FAM13A: variants seen among roughly 807,000 people sequenced by gnomAD.
The protein encoded by FAM13A is family with sequence similarity 13 member A, also known as protein FAM13A.
Under a neutral mutation model 129.6 loss-of-function variants are expected in FAM13A, and 76 were observed. That is an observed-to-expected ratio of 0.59 (90% CI 0.49 to 0.71). The LOEUF is 0.71. Among genes scored for constraint, FAM13A ranks in the 30% least tolerant of loss-of-function variants. The pLI, the probability that FAM13A is intolerant of heterozygous loss-of-function variation, is 0.00. For missense variants in FAM13A, 1,108 were observed against 1,249.3 expected, an observed-to-expected ratio of 0.89 and a Z score of 1.70; for synonymous variants, 443 against 449.9, an observed-to-expected ratio of 0.98 and a Z score of 0.20.
chr4:88,968,290 A>C (rs185000699), intron 4 of FAM13A, among the ~76,000 whole-genome samples: 48 of 152,350 alleles, frequency 3.2e-4, no homozygotes, highest in African/African-American at 1.1e-3. Flanking sequence ...CTGTTTGCTC[A>C]GAACACACCT....
At chr4:88,767,941 C>T (rs1371492286) in intron 12 of FAM13A, 42 bp downstream of exon 12, 1 of 1,212,600 alleles carries the variant, frequency 8.2e-7, no homozygotes, top group Admixed American at 1.7e-5. Flanking sequence ...ATAACCTTTT[C>T]CTGCCCTTGG....
In FAM13A at chr4:88,732,087, C is replaced by T; in HGVS notation, c.2758G>A (p.Asp920Asn). 6.2e-7 allele frequency: 1 copy of T among 1,614,018 alleles called. No individual in the cohort carries two copies. Among genetic ancestry groups the T allele is most frequent in the Non-Finnish European group, 8.5e-7 (1 of 1,179,936 alleles). ...CFLDQFEDDA[D>N]GFISPMDDKI... ...TCATCCATTGGGGAAATAAATCCAT[C>T]AGCGTCATCTTCGAATTGGTCCAGA... The change falls in exon 22 of 24, where the codon GAT becomes AAT. Residue 920 changes from aspartate (D) to asparagine (N), a missense_variant. Coordinates refer to ENST00000264344, the MANE Select transcript of FAM13A (RefSeq NM_014883.4).
chr4:88,967,111 A>G (rs1222407415), intron 4 of FAM13A, among the ~76,000 whole-genome samples: 1 of 152,208 alleles, frequency 6.6e-6, no homozygotes, highest in Non-Finnish European at 1.5e-5. Context: ...GGTTGTTATT[A>G]GGATGAAATA....
intron 4 of FAM13A, among the ~76,000 whole-genome samples, chr4:88,953,098 AT>A (rs1216594879): frequency 6.6e-5 from 10 of 152,220 alleles, no homozygotes; most frequent in African/African-American, 2.4e-4. Flanking sequence ...TGCTTTTAGT[AT>A]ATTGAGACTA....
chr4:89,019,897 C>T (rs573977827), intron 3 of FAM13A, among the ~76,000 whole-genome samples: 2 of 152,018 alleles, frequency 1.3e-5, no homozygotes, highest in South Asian at 4.1e-4. Context: ...AGCAAGTACA[C>T]CAGTGAGCTT....
chr4:88,999,940 A>G (rs983805901), intron 3 of FAM13A, among the ~76,000 whole-genome samples: 2 of 152,204 alleles, frequency 1.3e-5, no homozygotes, highest in Non-Finnish European at 2.9e-5. Context: ...CAAGTTGTAT[A>G]CTTTTTAAAT....
intron 3 of FAM13A, among the ~76,000 whole-genome samples, chr4:89,000,179 T>C (rs568078623): frequency 6.6e-6 from 1 of 152,232 alleles, no homozygotes; most frequent in East Asian, 1.9e-4. Context: ...CAATATAACA[T>C]AGCAATTACA....
At chr4:88,829,682 C>A (rs1395665955) in intron 7 of FAM13A, among the ~76,000 whole-genome samples, 1 of 152,078 alleles carries the variant, frequency 6.6e-6, no homozygotes, top group African/African-American at 2.4e-5. Context: ...GCTTACAGGA[C>A]AATATCATCA....
chr4:88,914,098 C>T (rs1206192923), intron 5 of FAM13A, among the ~76,000 whole-genome samples: 1 of 152,054 alleles, frequency 6.6e-6, no homozygotes, highest in Non-Finnish European at 1.5e-5. Flanking sequence ...TAGGAATCTA[C>T]CCTGATTCCT....
At chr4:88,862,774 T>G (rs1046290618) in intron 6 of FAM13A, among the ~76,000 whole-genome samples, 2 of 152,076 alleles carry the variant, frequency 1.3e-5, no homozygotes, top group African/African-American at 2.4e-5. Flanking sequence ...TATGAACCAG[T>G]TTTTTACGTG....
At chr4:88,895,253 T>C (rs1275038593) in intron 6 of FAM13A, among the ~76,000 whole-genome samples, 1 of 152,050 alleles carries the variant, frequency 6.6e-6, no homozygotes, top group Non-Finnish European at 1.5e-5. Context: ...ACATAAATAA[T>C]GTTAACTGGA....
At chr4:88,969,957 C>T (rs1344101818) in intron 4 of FAM13A, among the ~76,000 whole-genome samples, 2 of 152,174 alleles carry the variant, frequency 1.3e-5, no homozygotes, top group African/African-American at 2.4e-5. Flanking sequence ...ATCTCAGCAT[C>T]GATATCAGTT....
At chr4:88,921,095 G>T (rs949976202) in intron 5 of FAM13A, among the ~76,000 whole-genome samples, 2 of 152,098 alleles carry the variant, frequency 1.3e-5, no homozygotes, top group Non-Finnish European at 2.9e-5. Context: ...TGAAAGTGAC[G>T]GGGAGAATGG....
At chr4:89,007,763 A>G (rs1560770903) in intron 3 of FAM13A, among the ~76,000 whole-genome samples, 1 of 152,258 alleles carries the variant, frequency 6.6e-6, no homozygotes, top group Admixed American at 6.5e-5. Context: ...GCCAAAGCCT[A>G]TGCTCTAAGG....
At chr4:89,033,418 G>C (rs549866997) in intron 1 of FAM13A, among the ~76,000 whole-genome samples, 1 of 152,066 alleles carries the variant, frequency 6.6e-6, no homozygotes, top group Non-Finnish European at 1.5e-5. Flanking sequence ...GCTCCAGTTC[G>C]CATAAGAAAG....
chr4:88,744,123 T>C (rs1311885978), intron 19 of FAM13A, among the ~76,000 whole-genome samples: 2 of 152,184 alleles, frequency 1.3e-5, no homozygotes, highest in Non-Finnish European at 2.9e-5. Flanking sequence ...CATTTAAATT[T>C]GAACATGGCT....
chr4:88,968,756 G>C (rs1759684273), intron 4 of FAM13A, among the ~76,000 whole-genome samples: 1 of 152,126 alleles, frequency 6.6e-6, no homozygotes, highest in Admixed American at 6.5e-5. Context: ...AAAATAGACA[G>C]AAGAGCTTAA....
At chr4:88,861,392 A>G (rs1739470345) in intron 6 of FAM13A, among the ~76,000 whole-genome samples, 1 of 151,900 alleles carries the variant, frequency 6.6e-6, no homozygotes, top group South Asian at 2.1e-4. Context: ...AAAAAAAAAA[A>G]AAAAAAACTA....
chr4:88,779,096 C>T (rs1292989826), intron 11 of FAM13A, among the ~76,000 whole-genome samples: 3 of 151,996 alleles, frequency 2.0e-5, no homozygotes, highest in Non-Finnish European at 4.4e-5. Context: ...TTATTGTTTA[C>T]TTATTTATCT....
Sources: gnomAD v4.1 joint callset for allele counts (sites outside exome capture counted in the v4.1 genomes callset) on GRCh38, gnomAD v4.1.1 for gene constraint, MANE v1.5 for transcripts, NCBI Gene and HGNC (gene_info 2026-07-23, HGNC 2026-07-21) for gene names.